Variants in RAB43 observed in about 807,000 individuals in gnomAD.
The protein encoded by RAB43 is ras-related protein Rab-43.
In RAB43, 6 loss-of-function variants were observed where a neutral mutation model predicts 18.8. The observed-to-expected ratio is 0.32, with a 90% confidence interval of 0.17 to 0.63. RAB43 has a LOEUF of 0.63. Among genes scored for constraint, RAB43 ranks in the 30% least tolerant of loss-of-function variants. RAB43 has a pLI of 0.79. For synonymous variants in RAB43, 103 were observed against 124.1 expected (o/e 0.83, Z 1.13); for missense variants, 195 against 289.1 (o/e 0.67, Z 2.36).
intron 1 of RAB43, among the ~76,000 whole-genome samples, chr3:129,113,260 G>A (rs566199358): frequency 6.6e-6 from 1 of 151,664 alleles, no homozygotes; most frequent in African/African-American, 2.4e-5. Flanking sequence ...CCGCCTCCCA[G>A]GTTCAAGTGG....
At chr3:129,108,383 C>T (rs1047975351) in intron 1 of RAB43, among the ~76,000 whole-genome samples, 6 of 152,234 alleles carry the variant, frequency 3.9e-5, no homozygotes, top group Admixed American at 1.3e-4. Flanking sequence ...TGCAGTCCAA[C>T]TCTTGGTTCA....
Position 129,121,530 on chromosome 3 carries a change from G to A in RAB43, c.-41C>T. The A allele has an allele frequency of 6.5e-7, 1 of 1,528,748 alleles. No homozygotes were observed. Among genetic ancestry groups the A allele is most frequent in the Non-Finnish European group, 8.8e-7 (1 of 1,131,254 alleles). The allele number at this position is 1,528,748 out of a possible 1,614,324, so 94.7% of individuals were successfully genotyped here. The stretch of plus-strand genomic sequence containing the variant: ...GAAGGGCCGGCGCTCTGGACGCTGG[G>A]ACCGGCCTGAGCTCACGCAAGCCGC... On this transcript the variant is annotated 5_prime_UTR_variant, in exon 1 of 3. Transcript: ENST00000315150.
In RAB43 at chr3:129,091,319, C is replaced by T. The variant is rs772577986; in HGVS notation, c.416G>A (p.Arg139Gln). 5.6e-6 allele frequency: 9 copies of T among 1,602,352 alleles called. No homozygotes were observed. Among genetic ancestry groups the T allele is most frequent in the South Asian group, 2.2e-5 (2 of 89,354 alleles). ...IGNKSDLSELREVSLAEAQSL... is the reference protein window; with the variant it reads ...IGNKSDLSELQEVSLAEAQSL... ...CTGTGCCTCAGCCAAGGAGACCTCC[C>T]GAAGCTCGCTGAGGTCTGACTTGTT... The change falls in exon 3 of 3, where the codon CGG (arginine) becomes CAG (glutamine). Residue 139 changes from arginine (R) to glutamine (Q), a missense_variant. Arg to Gln is a conservative substitution (Grantham distance 43). Coordinates refer to ENST00000315150, the MANE Select transcript of RAB43 (RefSeq NM_198490.3).
chr3:129,121,480 G>C lies in RAB43; in HGVS notation c.10C>G (p.Pro4Ala), dbSNP rs749152959. 4.6e-5 allele frequency: 74 copies of C among 1,610,280 alleles called. No homozygotes were observed. Among genetic ancestry groups the C allele is most frequent in the Non-Finnish European group, 6.2e-5 (73 of 1,178,678 alleles). The stretch of plus-strand genomic sequence containing the variant: ...TCCGGGTCCCCCGGGCCTGGGCCCG[G>C]CCCTGCCATGGCCTAGAAGAAGCCG... MAG[P>A]GPGPGDPDEQ... Residue 4 changes from proline (P) to alanine (A), a missense_variant, in exon 1 of 3, where the codon CCG becomes GCG. By Grantham distance (27) the Pro-to-Ala change is conservative. Coordinates refer to ENST00000315150, the MANE Select transcript of RAB43 (RefSeq NM_198490.3).
intron 1 of RAB43, among the ~76,000 whole-genome samples, chr3:129,111,357 A>C (rs1935159954): frequency 6.6e-6 from 1 of 152,012 alleles, no homozygotes; most frequent in Non-Finnish European, 1.5e-5. Flanking sequence ...TCTACTAAAA[A>C]TATAAAAATT....
chr3:129,106,026 C>T (rs536353305), intron 1 of RAB43, among the ~76,000 whole-genome samples: 15 of 152,296 alleles, frequency 9.8e-5, no homozygotes, highest in African/African-American at 2.6e-4. Context: ...TAGTCAGGCC[C>T]GTGCAGCAGG....
At chr3:129,104,349 T>C (rs1162732551) in intron 1 of RAB43, among the ~76,000 whole-genome samples, 1 of 152,212 alleles carries the variant, frequency 6.6e-6, no homozygotes, top group Non-Finnish European at 1.5e-5. Flanking sequence ...GACTGTAAAC[T>C]GTGAATGAGC....
At chr3:129,097,098 G>A (rs566104511) in intron 1 of RAB43, among the ~76,000 whole-genome samples, 8 of 152,238 alleles carry the variant, frequency 5.3e-5, no homozygotes, top group Non-Finnish European at 8.8e-5. Flanking sequence ...GGACGACAGA[G>A]TGAGTGAGAC....
chr3:129,112,931 T>C (rs2108024205), intron 1 of RAB43, among the ~76,000 whole-genome samples: 1 of 151,970 alleles, frequency 6.6e-6, no homozygotes, highest in East Asian at 1.9e-4. Flanking sequence ...TTAATTTTTT[T>C]GTAGAGATGA....
intron 2 of RAB43, among the ~76,000 whole-genome samples, chr3:129,094,534 GA>G (rs1933901231): frequency 3.0e-4 from 1 of 3,348 alleles, no homozygotes; most frequent in Non-Finnish European, 1.6e-3. Flanking sequence ...TTTTTTTTTT[GA>G]GACGAATCTT....
intron 1 of RAB43, among the ~76,000 whole-genome samples, chr3:129,115,703 C>A (rs1234475404): frequency 6.6e-6 from 1 of 151,950 alleles, no homozygotes; most frequent in Non-Finnish European, 1.5e-5. Context: ...CACCTGTAAT[C>A]CCAGCTACTT....
At chr3:129,096,470 ATG>A (rs1934066029) in intron 1 of RAB43, among the ~76,000 whole-genome samples, 1 of 152,262 alleles carries the variant, frequency 6.6e-6, no homozygotes, top group Non-Finnish European at 1.5e-5. Context: ...TGCAAGGTTT[ATG>A]TGTGTACCAC....
intron 2 of RAB43, among the ~76,000 whole-genome samples, chr3:129,093,487 G>A (rs1172433860): frequency 2.0e-5 from 3 of 152,190 alleles, no homozygotes; most frequent in African/African-American, 4.8e-5. Context: ...GTGCGTGCCT[G>A]TAGTCCCAGC....
chr3:129,117,361 G>C (rs1422375816), intron 1 of RAB43, among the ~76,000 whole-genome samples: 1 of 152,216 alleles, frequency 6.6e-6, no homozygotes, highest in Non-Finnish European at 1.5e-5. Flanking sequence ...GTCTGTGGCA[G>C]GGTTGAAGCA....
chr3:129,098,191 G>A (rs750509282), intron 1 of RAB43, among the ~76,000 whole-genome samples: 15 of 152,114 alleles, frequency 9.9e-5, no homozygotes, highest in Non-Finnish European at 1.3e-4. Flanking sequence ...TTAGCGACCC[G>A]TATATGAGCT....
At chr3:129,118,766 A>G (rs953723975) in intron 1 of RAB43, among the ~76,000 whole-genome samples, 1 of 152,170 alleles carries the variant, frequency 6.6e-6, no homozygotes, top group Non-Finnish European at 1.5e-5. Context: ...ACATCCAGCA[A>G]TCTTCCTGCC....
chr3:129,115,762 A>G (rs2880321), intron 1 of RAB43, among the ~76,000 whole-genome samples: 371 of 151,688 alleles, frequency 2.4e-3, no homozygotes, highest in African/African-American at 8.7e-3. Context: ...TGGAGGTTCC[A>G]GTGAGCCGAG....
chr3:129,101,102 G>A (rs896481003), intron 1 of RAB43, among the ~76,000 whole-genome samples: 4 of 152,130 alleles, frequency 2.6e-5, no homozygotes, highest in East Asian at 1.9e-4. Context: ...CACTGCGCCC[G>A]GCCATTCTGT....
upstream of RAB43, chr3:129,121,880 G>A (rs538443863): frequency 0.028 from 2,187 of 79,254 alleles, 28 homozygotes; most frequent in Middle Eastern, 0.12. Context: ...TCCGCCCCCA[G>A]CCCAACCCTC....
Sources: gnomAD v4.1 joint callset for allele counts (sites outside exome capture counted in the v4.1 genomes callset) on GRCh38, gnomAD v4.1.1 for gene constraint, MANE v1.5 for transcripts, NCBI Gene and HGNC (gene_info 2026-07-23, HGNC 2026-07-21) for gene names.